RTL4: variants seen among roughly 807,000 people sequenced by gnomAD.
The protein encoded by RTL4 is retrotransposon Gag-like protein 4.
Under a neutral mutation model 5.3 loss-of-function variants are expected in RTL4, and 4 were observed. That is an observed-to-expected ratio of 0.75 (90% CI 0.37 to 1.72). RTL4 has a LOEUF of 1.72. RTL4 is among the 40% of genes most tolerant of loss of function. RTL4 has a pLI of 0.04. For missense variants in RTL4, 260 were observed against 227.1 expected (o/e 1.14, Z -0.93); for synonymous variants, 98 against 87.3 (o/e 1.12, Z -0.68).
the RTL4 span, among the ~76,000 whole-genome samples, chrX:112,338,098 C>T: frequency 1.8e-5 from 2 of 111,776 alleles, no homozygotes; most frequent in Non-Finnish European, 3.8e-5. Context: ...TACCAATTTA[C>T]AGTCTTCACC....
the RTL4 span, among the ~76,000 whole-genome samples, chrX:112,218,254 C>T: frequency 1.8e-5 from 2 of 111,864 alleles, no homozygotes; most frequent in South Asian, 7.5e-4. Context: ...TCTGTGTCAT[C>T]CCTTCCTTGG....
At chrX:112,352,741 T>C in the RTL4 span, among the ~76,000 whole-genome samples, 1 of 111,371 alleles carries the variant, frequency 9.0e-6, no homozygotes, top group Non-Finnish European at 1.9e-5. Context: ...GAAGAAAACC[T>C]AGGCAATACC....
the RTL4 span, among the ~76,000 whole-genome samples, chrX:112,432,943 T>C: frequency 8.9e-6 from 1 of 111,859 alleles, no homozygotes; most frequent in Non-Finnish European, 1.9e-5. Flanking sequence ...TTCAGCTTTC[T>C]ACATATGGCT....
chrX:112,283,408 A>G, the RTL4 span, among the ~76,000 whole-genome samples: 1 of 111,745 alleles, frequency 8.9e-6, no homozygotes, highest in Admixed American at 9.6e-5. Flanking sequence ...AGAGATCAAG[A>G]AATCTCAGAG....
the RTL4 span, among the ~76,000 whole-genome samples, chrX:112,326,338 C>T: frequency 1.6e-4 from 18 of 111,656 alleles, no homozygotes; most frequent in African/African-American, 4.6e-4. Flanking sequence ...TTGCCTCACT[C>T]GGGAAGCACA....
the RTL4 span, among the ~76,000 whole-genome samples, chrX:112,408,427 G>T: frequency 1.8e-5 from 2 of 108,923 alleles, no homozygotes; most frequent in African/African-American, 3.3e-5. Context: ...GAATTAGTGA[G>T]CGTGGAGACA....
the RTL4 span, among the ~76,000 whole-genome samples, chrX:112,407,293 G>A: frequency 1.8e-5 from 2 of 110,991 alleles, no homozygotes; most frequent in Non-Finnish European, 3.8e-5. Context: ...GGGAGTCCCA[G>A]GCCAGGCAGA....
At chrX:112,260,752 C>A in the RTL4 span, among the ~76,000 whole-genome samples, 1 of 111,893 alleles carries the variant, frequency 8.9e-6, no homozygotes, top group African/African-American at 3.2e-5. Context: ...TTACCTCGAT[C>A]CTGCTATACC....
chrX:112,351,045 C>T, the RTL4 span, among the ~76,000 whole-genome samples: 8 of 111,019 alleles, frequency 7.2e-5, no homozygotes, highest in Non-Finnish European at 3.8e-5. Context: ...TGAATGTGTC[C>T]CAGAGATTCT....
the RTL4 span, among the ~76,000 whole-genome samples, chrX:112,386,673 G>A: frequency 3.2e-4 from 36 of 111,743 alleles, no homozygotes; most frequent in African/African-American, 6.5e-4. Context: ...AGGTTGCTGC[G>A]AATGCCATTA....
chrX:112,288,077 G>A, the RTL4 span, among the ~76,000 whole-genome samples: 1 of 111,886 alleles, frequency 8.9e-6, no homozygotes, highest in Non-Finnish European at 1.9e-5. Flanking sequence ...GTTGCTCTTG[G>A]TCAATTATTC....
chrX:112,424,278 T>C, the RTL4 span, among the ~76,000 whole-genome samples: 250 of 112,053 alleles, frequency 2.2e-3, no homozygotes, highest in African/African-American at 7.7e-3. Context: ...ATGTTGTTAA[T>C]ATCTTTGGGG....
chrX:112,106,693 T>A, the RTL4 span, among the ~76,000 whole-genome samples: 1 of 111,823 alleles, frequency 8.9e-6, no homozygotes. Context: ...TTTTGTTTTT[T>A]TTGCTAATAG....
the RTL4 span, among the ~76,000 whole-genome samples, chrX:112,128,694 A>G: frequency 1.8e-5 from 2 of 108,462 alleles, no homozygotes; most frequent in African/African-American, 6.7e-5. Context: ...AGAACTTAGA[A>G]GTTGGGTCCC....
At chrX:112,454,717 C>A (rs780142423) in exon 1 of RTL4, 5 of 1,167,469 alleles carry the variant, frequency 4.3e-6, no homozygotes, top group Non-Finnish European at 5.7e-6. Context: ...CCACCTGATT[C>A]CAGGAGACAT....
chrX:112,195,824 A>G, the RTL4 span, among the ~76,000 whole-genome samples: 1 of 111,718 alleles, frequency 9.0e-6, no homozygotes, highest in East Asian at 2.8e-4. Context: ...TGATAGAAAG[A>G]CAATAAATAC....
At chrX:112,381,777 A>C in the RTL4 span, 1 of 1,205,527 alleles carries the variant, frequency 8.3e-7, no homozygotes, top group African/African-American at 1.8e-5. Flanking sequence ...GAGGAGACAA[A>C]GAAAGTCCAA....
At chrX:112,209,262 A>G in the RTL4 span, among the ~76,000 whole-genome samples, 1 of 112,090 alleles carries the variant, frequency 8.9e-6, no homozygotes, top group Admixed American at 9.4e-5. Flanking sequence ...TTTTCCAATC[A>G]TGCTTCTTCT....
chrX:112,245,268 T>C, the RTL4 span, among the ~76,000 whole-genome samples: 12 of 111,962 alleles, frequency 1.1e-4, no homozygotes, highest in Admixed American at 5.7e-4. Context: ...GAAGTTTTCC[T>C]GGATAATATC....
Sources: gnomAD v4.1 joint callset for allele counts (sites outside exome capture counted in the v4.1 genomes callset) on GRCh38, gnomAD v4.1.1 for gene constraint, MANE v1.5 for transcripts, NCBI Gene and HGNC (gene_info 2026-07-23, HGNC 2026-07-21) for gene names.